Variants in MAK observed in about 807,000 individuals in gnomAD.
MAK encodes the protein serine/threonine-protein kinase MAK.
Under a neutral mutation model 82.6 loss-of-function variants are expected in MAK, and 65 were observed. That is an observed-to-expected ratio of 0.79 (90% CI 0.64 to 0.97). MAK has a LOEUF of 0.97. Ranked by LOEUF, MAK falls within the 50% of genes least tolerant of loss-of-function variation. The probability of loss-of-function intolerance (pLI) is 0.00; values close to 1 mark genes in which losing one functional copy is unlikely to be tolerated. For missense variants in MAK, 703 were observed against 780.2 expected, an observed-to-expected ratio of 0.90 and a Z score of 1.18; for synonymous variants, 250 against 274.2, an observed-to-expected ratio of 0.91 and a Z score of 0.87.
intron 4 of MAK, among the ~76,000 whole-genome samples, chr6:10,814,897 C>A (rs750024664): frequency 6.6e-6 from 1 of 151,948 alleles, no homozygotes; most frequent in Non-Finnish European, 1.5e-5. Flanking sequence ...AATTAGCTGG[C>A]GTGATGGCAC....
chr6:10,765,025 G>C (rs976558693), intron 14 of MAK, among the ~76,000 whole-genome samples: 2 of 151,516 alleles, frequency 1.3e-5, no homozygotes, highest in African/African-American at 2.4e-5. Flanking sequence ...GAACCCGGGA[G>C]GCAGTGGTTG....
At chr6:10,795,545 C>A (rs1194207234) in intron 9 of MAK, among the ~76,000 whole-genome samples, 1 of 152,124 alleles carries the variant, frequency 6.6e-6, no homozygotes, top group Non-Finnish European at 1.5e-5. Context: ...GAACTCAAGA[C>A]CAGCCTGGAC....
intron 7 of MAK, 95 bp from the exon 8 acceptor site, chr6:10,802,154 T>G (rs1776065803): frequency 3.3e-6 from 3 of 917,298 alleles, no homozygotes; most frequent in Non-Finnish European, 5.1e-6. Flanking sequence ...AAACATCATT[T>G]ATGTTTGAAC....
chr6:10,764,918 C>A (rs765081713), intron 14 of MAK, among the ~76,000 whole-genome samples: 1 of 151,906 alleles, frequency 6.6e-6, no homozygotes, highest in East Asian at 1.9e-4. Context: ...CATGGTGAAA[C>A]CCTGTCTCTA....
intron 2 of MAK, among the ~76,000 whole-genome samples, chr6:10,824,669 G>A (rs1778225022): frequency 6.6e-6 from 1 of 152,030 alleles, no homozygotes; most frequent in Non-Finnish European, 1.5e-5. Context: ...TTTCACATTC[G>A]TCCATGTAAT....
In MAK at chr6:10,802,274, C is replaced by T. The variant is rs148571066; in HGVS notation, c.664-215G>A. The stretch of plus-strand genomic sequence containing the variant: ...TTAAGCTGAGAGTTAGGAAACAATG[C>T]GAAAAGCACTTTTATAGCTTTTTTT... On this transcript the variant is annotated intron_variant, in intron 7 of 14. Coordinates refer to ENST00000354489, the MANE Select transcript of MAK (RefSeq NM_001242957.3). 1,385 of 513,668 alleles carry T rather than the reference C, an allele frequency of 2.7e-3. 13 individuals carry two copies. Among genetic ancestry groups the T allele is most frequent in the East Asian group, 0.017 (528 of 30,612 alleles). 31.8% of individuals were successfully genotyped at this position (513,668 alleles called of 1,614,324 possible).
chr6:10,810,356 T>C (rs1324870264), intron 5 of MAK, among the ~76,000 whole-genome samples: 3 of 144,838 alleles, frequency 2.1e-5, no homozygotes, highest in Non-Finnish European at 3.1e-5. Context: ...TTTTTTTTTT[T>C]TTTTTTTTGT....
intron 1 of MAK, among the ~76,000 whole-genome samples, chr6:10,834,825 T>G (rs1779048589): frequency 6.6e-6 from 1 of 152,190 alleles, no homozygotes; most frequent in Non-Finnish European, 1.5e-5. Context: ...AGTCTCACTC[T>G]GTGCCAGGTC....
chr6:10,771,773 A>AAC (rs1209088470), intron 13 of MAK, among the ~76,000 whole-genome samples: 1 of 152,232 alleles, frequency 6.6e-6, no homozygotes, highest in African/African-American at 2.4e-5. Context: ...ATACATGTTT[A>AAC]ACCCTACTGA....
At chr6:10,810,033 G>A (rs557129035) in intron 5 of MAK, among the ~76,000 whole-genome samples, 52 of 150,916 alleles carry the variant, frequency 3.4e-4, no homozygotes, top group African/African-American at 1.2e-3. Context: ...GGGAGGCGGA[G>A]GTTGCAGTGA....
intron 7 of MAK, 103 bp from the exon 8 acceptor site, chr6:10,802,162 A>G (rs1255258806): frequency 1.2e-6 from 1 of 858,470 alleles, no homozygotes; most frequent in African/African-American, 1.7e-5. Context: ...TTTATGTTTG[A>G]ACATTTTCAT....
chr6:10,837,351 C>T (rs1445932307), intron 1 of MAK, among the ~76,000 whole-genome samples: 1 of 152,228 alleles, frequency 6.6e-6, no homozygotes, highest in Non-Finnish European at 1.5e-5. Context: ...TCTCTGTGCT[C>T]ATATTCACAA....
Position 10,768,087 on chromosome 6 carries a change from AAAGTT to A in MAK, c.1792+2019_1792+2023del, listed in dbSNP as rs572361755. Among the ~76,000 whole-genome samples the A allele has an allele frequency of 1.4e-4, 21 of 152,280 alleles. No individual in the cohort carries two copies. In the South Asian group the frequency reaches 2.7e-3, roughly 20 times the overall value. The stretch of plus-strand genomic sequence containing the variant: ...TCTGATAAGCAGAGTAAAGAAATAA[AAAGTT>A]AAGAAAAAGCATTTACTTAAAAAAA... On this transcript the variant is annotated intron_variant, in intron 14 of 14. Transcript: ENST00000354489.
At chr6:10,827,593 T>C (rs1778479730) in intron 2 of MAK, 1 of 152,246 alleles carries the variant, frequency 6.6e-6, no homozygotes, top group African/African-American at 2.4e-5. Flanking sequence ...TATATAGGTT[T>C]TCGTACTAAT....
At position 10,822,323 on chromosome 6, in the gene MAK, G is replaced by A. The variant is rs1471544369; in HGVS notation, c.102-3383C>T. Among the ~76,000 whole-genome samples the A allele has an allele frequency of 4.6e-5, 7 of 151,624 alleles. No homozygotes were observed. The South Asian group carries it at 6.2e-4, about 14-fold the overall frequency. ...ACAAAAATGAGCTGGGCATGGTGGC[G>A]CATGCCTATAATCCCAGCTACTTGG... On this transcript the variant is annotated intron_variant, in intron 2 of 14. Transcript: ENST00000354489.
intron 8 of MAK, 87 bp downstream of exon 8, chr6:10,801,805 G>T: frequency 7.7e-7 from 1 of 1,290,412 alleles, no homozygotes; most frequent in Non-Finnish European, 1.1e-6. Context: ...TCCTGGTTGA[G>T]AATAGACCTG....
At chr6:10,822,383 G>A (rs1296107033) in intron 2 of MAK, among the ~76,000 whole-genome samples, 1 of 151,734 alleles carries the variant, frequency 6.6e-6, no homozygotes, top group African/African-American at 2.4e-5. Flanking sequence ...GAACCTGGGA[G>A]GCAGAAGTTG....
At position 10,788,413 on chromosome 6, in the gene MAK, A is replaced by C. The variant is rs113814778; in HGVS notation, c.1316+3262T>G. ...TAATTATGAATAAAATTTAGCTGAA[A>C]TCAGAATGACATGGGTTTTAAAAAA... is the stretch of plus-strand genomic sequence containing the variant. On this transcript the variant is annotated intron_variant, in intron 10 of 14. Coordinates refer to ENST00000354489, the MANE Select transcript of MAK (RefSeq NM_001242957.3). Among the ~76,000 whole-genome samples, 741 of 152,252 alleles carry C rather than the reference A, an allele frequency of 4.9e-3. 7 individuals carry two copies. The highest frequency in any genetic ancestry group is 0.017 in the African/African-American group (699 of 41,554).
At chr6:10,834,464 C>G (rs1779024042) in intron 1 of MAK, among the ~76,000 whole-genome samples, 1 of 152,178 alleles carries the variant, frequency 6.6e-6, no homozygotes, top group East Asian at 1.9e-4. Context: ...CTGGTGCCAG[C>G]TCTTACTATC....
Sources: allele counts gnomAD v4.1 joint callset (sites outside exome capture counted in the v4.1 genomes callset), GRCh38; gene constraint gnomAD v4.1.1; transcripts MANE v1.5; gene names NCBI Gene and HGNC (gene_info 2026-07-23, HGNC 2026-07-21).